Variants in KCNH7 observed in about 807,000 individuals in gnomAD.
KCNH7 encodes the protein voltage-gated inwardly rectifying potassium channel KCNH7.
A neutral mutation model predicts 120.8 loss-of-function variants in KCNH7; 49 were observed. The ratio of observed to expected loss-of-function variants is 0.41; its 90% CI spans 0.32 to 0.51. KCNH7 has a LOEUF of 0.51. Ranked by LOEUF, KCNH7 falls within the 20% of genes least tolerant of loss-of-function variation. The pLI is 0.38. For missense variants in KCNH7, 1,097 were observed against 1,446.6 expected (o/e 0.76, Z 3.92); for synonymous variants, 547 against 516.1 (o/e 1.06, Z -0.81).
intron 2 of KCNH7, among the ~76,000 whole-genome samples, chr2:162,673,355 A>T (rs1685426371): frequency 6.6e-6 from 1 of 152,098 alleles, no homozygotes; most frequent in South Asian, 2.1e-4. Context: ...CAACATTATC[A>T]GTCAGGTTAA....
At chr2:162,781,450 A>G (rs1054611878) in intron 2 of KCNH7, among the ~76,000 whole-genome samples, 3 of 152,070 alleles carry the variant, frequency 2.0e-5, no homozygotes, top group African/African-American at 7.2e-5. Flanking sequence ...CCCTATGTTT[A>G]TTGGCTTTCA....
At chr2:162,537,589 TC>T (rs1298612333) in intron 2 of KCNH7, among the ~76,000 whole-genome samples, 8 of 152,090 alleles carry the variant, frequency 5.3e-5, no homozygotes, top group African/African-American at 1.9e-4. Context: ...TTACAGTAAT[TC>T]TTTTCTTTTC....
intron 2 of KCNH7, among the ~76,000 whole-genome samples, chr2:162,806,066 AC>A (rs1046644539): frequency 1.3e-5 from 2 of 152,074 alleles, no homozygotes; most frequent in African/African-American, 4.8e-5. Flanking sequence ...GATATAATGG[AC>A]TTTGGAGACT....
At chr2:162,596,951 A>G (rs1219213425) in intron 2 of KCNH7, among the ~76,000 whole-genome samples, 1 of 152,122 alleles carries the variant, frequency 6.6e-6, no homozygotes, top group African/African-American at 2.4e-5. Context: ...GAATATCAAA[A>G]CATGCTTAAC....
chr2:162,769,811 C>A lies in KCNH7; in HGVS notation c.307+66726G>T, dbSNP rs76908668. Among the ~76,000 whole-genome samples the A allele has an allele frequency of 3.1e-3, 466 of 152,148 alleles. 2 individuals carry two copies. The highest frequency in any genetic ancestry group is 0.011 in the African/African-American group (439 of 41,518). Reference sequence around the variant, plus strand: ...TGAAGCAAAACATTAAAAACGGCATCTGCAGGTTGAACAGTCAAATTTTGT... The same window carrying A: ...TGAAGCAAAACATTAAAAACGGCATATGCAGGTTGAACAGTCAAATTTTGT... On this transcript the variant is annotated intron_variant, in intron 2 of 15. Coordinates refer to ENST00000332142, the MANE Select transcript of KCNH7 (RefSeq NM_033272.4).
intron 2 of KCNH7, among the ~76,000 whole-genome samples, chr2:162,636,406 G>A (rs183352702): frequency 8.3e-4 from 127 of 152,164 alleles, no homozygotes; most frequent in African/African-American, 2.7e-3. Flanking sequence ...ATGTCGTGTC[G>A]ATTACTGCTT....
intron 6 of KCNH7, among the ~76,000 whole-genome samples, chr2:162,455,041 A>G (rs771957210): frequency 6.6e-6 from 1 of 151,926 alleles, no homozygotes; most frequent in Non-Finnish European, 1.5e-5. Flanking sequence ...TGCTGCCTGC[A>G]TTTGCCTACT....
At position 162,446,078 on chromosome 2, in the gene KCNH7, C is replaced by G. The variant is rs781772747; in HGVS notation, c.1494G>C (p.Leu498=). 21 of 1,613,770 alleles carry G rather than the reference C, an allele frequency of 1.3e-5. No homozygotes were observed. Among genetic ancestry groups the G allele is most frequent in the Non-Finnish European group, 1.8e-5 (21 of 1,179,870 alleles). The change falls in exon 7 of 16, where the codon CTG becomes CTC. Residue 498 remains leucine (L), a synonymous_variant. Transcript: ENST00000332142. ...AAGGAATTGCTGCAACCATGTCAAT[C>G]AGGAACCAGCCTTTGAAGTAGTGTA... is the stretch of plus-strand genomic sequence containing the variant. ...IAIHYFKGWF[L]IDMVAAIPFD... is the part of the protein sequence containing the mutation.
chr2:162,783,316 C>T (rs1683573879), intron 2 of KCNH7, among the ~76,000 whole-genome samples: 1 of 152,126 alleles, frequency 6.6e-6, no homozygotes, highest in East Asian at 1.9e-4. Context: ...TCCCATGACA[C>T]TCATTAGTGA....
At chr2:162,461,900 G>A (rs570047363) in intron 6 of KCNH7, among the ~76,000 whole-genome samples, 43 of 152,280 alleles carry the variant, frequency 2.8e-4, no homozygotes, top group African/African-American at 1.0e-3. Context: ...TTGGAGGACA[G>A]AGATTGCATG....
chr2:162,788,988 TAAAAA>T (rs61348204), intron 2 of KCNH7, among the ~76,000 whole-genome samples: 6 of 105,162 alleles, frequency 5.7e-5, no homozygotes, highest in Admixed American at 1.0e-4. Context: ...AGGTACTGGT[TAAAAA>T]AAAAAAAAAA....
intron 2 of KCNH7, among the ~76,000 whole-genome samples, chr2:162,646,979 C>T (rs556176958): frequency 3.9e-5 from 6 of 152,260 alleles, no homozygotes; most frequent in Admixed American, 3.3e-4. Context: ...GATCTGATAA[C>T]CTTGTGGTAA....
chr2:162,816,499 G>T (rs916890925), intron 2 of KCNH7, among the ~76,000 whole-genome samples: 2 of 152,098 alleles, frequency 1.3e-5, no homozygotes, highest in African/African-American at 4.8e-5. Context: ...GACTATTGAA[G>T]ATCTATTTGC....
rs190117803 is a variant in KCNH7 at position 162,810,261 on chromosome 2, T to C, written c.307+26276A>G. Reference sequence around the variant, plus strand: ...TACATTTATGATCAAATAACATCTATAATATGATATTCATTTTACAATCAA... The same window carrying C: ...TACATTTATGATCAAATAACATCTACAATATGATATTCATTTTACAATCAA... On this transcript the variant is annotated intron_variant, in intron 2 of 15. Transcript: ENST00000332142. Among the ~76,000 whole-genome samples, 4 of 152,318 alleles carry C rather than the reference T, an allele frequency of 2.6e-5. No homozygotes were observed. In the East Asian group the frequency reaches 7.7e-4, roughly 29 times the overall value.
chr2:162,762,522 C>T (rs78682235), intron 2 of KCNH7, among the ~76,000 whole-genome samples: 1 of 152,080 alleles, frequency 6.6e-6, no homozygotes, highest in East Asian at 1.9e-4. Flanking sequence ...AAAGACCACC[C>T]TATGGCACAA....
At chr2:162,743,359 G>A (rs1389763574) in intron 2 of KCNH7, among the ~76,000 whole-genome samples, 1 of 151,950 alleles carries the variant, frequency 6.6e-6, no homozygotes, top group East Asian at 1.9e-4. Flanking sequence ...AGTAAAAAAA[G>A]GGAGGAAAGA....
At chr2:162,480,264 T>C (rs1164333953) in intron 6 of KCNH7, among the ~76,000 whole-genome samples, 1 of 152,168 alleles carries the variant, frequency 6.6e-6, no homozygotes, top group African/African-American at 2.4e-5. Flanking sequence ...CAGTCTTCAG[T>C]AAACACAGGA....
intron 2 of KCNH7, among the ~76,000 whole-genome samples, chr2:162,831,057 C>G (rs1685460708): frequency 6.6e-6 from 1 of 152,122 alleles, no homozygotes; most frequent in South Asian, 2.1e-4. Context: ...AAGCTGAGGT[C>G]TGATATAGGT....
At chr2:162,492,366 T>C (rs1012219261) in intron 6 of KCNH7, among the ~76,000 whole-genome samples, 11 of 152,210 alleles carry the variant, frequency 7.2e-5, no homozygotes, top group African/African-American at 1.7e-4. Context: ...CCATCTTGTT[T>C]TATGTCTTTG....
Sources: gnomAD v4.1 joint callset for allele counts (sites outside exome capture counted in the v4.1 genomes callset) on GRCh38, gnomAD v4.1.1 for gene constraint, MANE v1.5 for transcripts, NCBI Gene and HGNC (gene_info 2026-07-23, HGNC 2026-07-21) for gene names.